The following ERBB4 variants were observed in gnomAD, a reference collection of about 807,000 sequenced individuals.
ERBB4 encodes the protein receptor tyrosine-protein kinase erbB-4.
Under a neutral mutation model 158.0 loss-of-function variants are expected in ERBB4, and 42 were observed. The ratio of observed to expected loss-of-function variants is 0.27; its 90% CI spans 0.21 to 0.34. The LOEUF (loss-of-function observed/expected upper bound fraction) is 0.34, where lower values mean the gene tolerates loss of function less well. Among genes scored for constraint, ERBB4 ranks in the 10% least tolerant of loss-of-function variants. The probability of loss-of-function intolerance (pLI) is 1.00; values close to 1 mark genes in which losing one functional copy is unlikely to be tolerated. For synonymous variants in ERBB4, 583 were observed against 558.7 expected, an observed-to-expected ratio of 1.04 and a Z score of -0.61; for missense variants, 1,333 against 1,624.1, an observed-to-expected ratio of 0.82 and a Z score of 3.08.
intron 1 of ERBB4, among the ~76,000 whole-genome samples, chr2:212,433,612 C>T (rs969105453): frequency 1.3e-4 from 19 of 151,908 alleles, no homozygotes; most frequent in Non-Finnish European, 2.7e-4. Context: ...TCAACAAGAA[C>T]AGCTGATCCA....
intron 1 of ERBB4, among the ~76,000 whole-genome samples, chr2:212,337,594 C>G (rs1001910327): frequency 6.6e-6 from 1 of 152,010 alleles, no homozygotes; most frequent in Non-Finnish European, 1.5e-5. Flanking sequence ...CCATGCTCAC[C>G]CCAGAGGAGT....
intron 6 of ERBB4, among the ~76,000 whole-genome samples, chr2:211,724,727 A>T (rs2106129453): frequency 6.6e-6 from 1 of 152,300 alleles, no homozygotes; most frequent in East Asian, 1.9e-4. Flanking sequence ...AATAAAATGC[A>T]ATTGCTCCCA....
intron 7 of ERBB4, among the ~76,000 whole-genome samples, chr2:211,717,077 C>T (rs972828013): frequency 6.6e-6 from 1 of 152,130 alleles, no homozygotes; most frequent in African/African-American, 2.4e-5. Flanking sequence ...ACCCAACCCT[C>T]GGGCTTCAAC....
Position 212,102,644 on chromosome 2 carries a change from A to G in ERBB4, c.234+22108T>C, listed in dbSNP as rs554311638. The stretch of plus-strand genomic sequence containing the variant: ...TCATGTATATGAATAAGAGTTAAAT[A>G]TCGTAAGTAATAATTCTAAAAGCCT... On this transcript the variant is annotated intron_variant, in intron 2 of 27. Coordinates refer to ENST00000342788, the MANE Select transcript of ERBB4 (RefSeq NM_005235.3). Among the ~76,000 whole-genome samples the G allele has an allele frequency of 7.9e-5, 12 of 152,298 alleles. No homozygotes were observed. The East Asian group carries it at 2.1e-3, about 27-fold the overall frequency.
intron 3 of ERBB4, among the ~76,000 whole-genome samples, chr2:211,875,447 T>G (rs1270951984): frequency 6.6e-6 from 1 of 152,152 alleles, no homozygotes; most frequent in African/African-American, 2.4e-5. Context: ...AATGAGCAAA[T>G]TTTGAAGAAG....
chr2:212,386,659 A>G (rs1296686753), intron 1 of ERBB4, among the ~76,000 whole-genome samples: 1 of 151,676 alleles, frequency 6.6e-6, no homozygotes, highest in Non-Finnish European at 1.5e-5. Context: ...ACTAGGCCCC[A>G]ACTACACTTT....
At chr2:211,591,644 T>C (rs1050927467) in intron 19 of ERBB4, among the ~76,000 whole-genome samples, 3 of 152,252 alleles carry the variant, frequency 2.0e-5, no homozygotes, top group Non-Finnish European at 4.4e-5. Context: ...ATTATAGCAC[T>C]AACTGCACTA....
intron 3 of ERBB4, among the ~76,000 whole-genome samples, chr2:211,905,612 A>C: frequency 7.0e-6 from 1 of 142,222 alleles, no homozygotes; most frequent in African/African-American, 2.6e-5. Flanking sequence ...AACTATATAT[A>C]CCTATGACAT....
intron 2 of ERBB4, among the ~76,000 whole-genome samples, chr2:212,044,225 G>A (rs576199482): frequency 1.4e-4 from 22 of 152,002 alleles, no homozygotes; most frequent in East Asian, 3.9e-4. Flanking sequence ...GATTATAGTC[G>A]TTTAAAATAT....
chr2:212,343,490 T>C (rs1369409451), intron 1 of ERBB4, among the ~76,000 whole-genome samples: 1 of 152,182 alleles, frequency 6.6e-6, no homozygotes, highest in Non-Finnish European at 1.5e-5. Flanking sequence ...TTCTACAACA[T>C]ACAACTCTAA....
chr2:211,769,180 G>T (rs1283759629), intron 4 of ERBB4, among the ~76,000 whole-genome samples: 1 of 152,152 alleles, frequency 6.6e-6, no homozygotes, highest in African/African-American at 2.4e-5. Flanking sequence ...CTAAAGCATA[G>T]CAAGAATCAC....
chr2:211,993,051 A>C (rs1222604456), intron 2 of ERBB4, among the ~76,000 whole-genome samples: 1 of 152,214 alleles, frequency 6.6e-6, no homozygotes, highest in Non-Finnish European at 1.5e-5. Context: ...CTGGCGAGCC[A>C]GCAGTTTTGA....
chr2:212,324,072 G>A (rs1215760559), intron 1 of ERBB4, among the ~76,000 whole-genome samples: 1 of 150,414 alleles, frequency 6.6e-6, no homozygotes, highest in Non-Finnish European at 1.5e-5. Flanking sequence ...CAGTGAACTG[G>A]TAAACTGTGA....
Position 212,491,141 on chromosome 2 carries a change from G to C in ERBB4, c.82+47308C>G, listed in dbSNP as rs369184085. 1.3e-4 allele frequency among the ~76,000 whole-genome samples: 20 copies of C among 151,662 alleles called. No individual in the cohort carries two copies. In the South Asian group the frequency reaches 3.9e-3, roughly 30 times the overall value. ...AATCAAATGGACTGAATGATCATAA[G>C]TATAAGAAAGGACCCAAACGTCTGT... On this transcript the variant is annotated intron_variant, in intron 1 of 27. Coordinates refer to ENST00000342788, the MANE Select transcript of ERBB4 (RefSeq NM_005235.3).
At chr2:211,746,573 A>G (rs921772667) in intron 5 of ERBB4, among the ~76,000 whole-genome samples, 1 of 152,144 alleles carries the variant, frequency 6.6e-6, no homozygotes, top group Admixed American at 6.5e-5. Flanking sequence ...TCACACCTGT[A>G]ATCCTAGCAC....
intron 1 of ERBB4, among the ~76,000 whole-genome samples, chr2:212,360,161 T>C (rs2089630711): frequency 6.6e-6 from 1 of 151,794 alleles, no homozygotes; most frequent in Admixed American, 6.6e-5. Context: ...AATGAAGGCA[T>C]CCACAATGAC....
chr2:211,802,014 C>A (rs964953972), intron 3 of ERBB4, among the ~76,000 whole-genome samples: 7 of 152,162 alleles, frequency 4.6e-5, no homozygotes, highest in Non-Finnish European at 1.0e-4. Flanking sequence ...AATCCCTGCA[C>A]TTTGGGAGGC....
At chr2:211,579,371 A>G (rs1436857413) in intron 19 of ERBB4, among the ~76,000 whole-genome samples, 1 of 152,202 alleles carries the variant, frequency 6.6e-6, no homozygotes, top group Non-Finnish European at 1.5e-5. Context: ...TAGTTCAACC[A>G]TTGTGGAATA....
chr2:211,920,330 A>G (rs1039897830), intron 3 of ERBB4, among the ~76,000 whole-genome samples: 10 of 151,958 alleles, frequency 6.6e-5, no homozygotes, highest in African/African-American at 2.2e-4. Context: ...TATCTTTGCT[A>G]TATAGTTTTA....
Sources: allele counts gnomAD v4.1 joint callset (sites outside exome capture counted in the v4.1 genomes callset), GRCh38; gene constraint gnomAD v4.1.1; transcripts MANE v1.5; gene names NCBI Gene and HGNC (gene_info 2026-07-23, HGNC 2026-07-21).